The following AQR variants were observed in gnomAD, a reference collection of about 807,000 sequenced individuals.
AQR encodes the protein RNA helicase aquarius.
In AQR, 61 loss-of-function variants were observed where a neutral mutation model predicts 180.5. That is an observed-to-expected ratio of 0.34 (90% CI 0.28 to 0.42). The LOEUF is 0.42. Ranked by LOEUF, AQR falls within the 10% of genes least tolerant of loss-of-function variation. AQR has a pLI of 1.00. For synonymous variants in AQR, 551 were observed against 588.8 expected, an observed-to-expected ratio of 0.94 and a Z score of 0.93; for missense variants, 1,281 against 1,798.3, an observed-to-expected ratio of 0.71 and a Z score of 5.20.
At position 34,873,914 on chromosome 15, in the gene AQR, C is replaced by T; in HGVS notation, c.3511G>A (p.Ala1171Thr). The change falls in exon 30 of 35, where the codon GCT becomes ACT. Residue 1171 changes from alanine (A) to threonine (T), a missense_variant. Around this residue, in one of 9 missense-constraint regions of AQR, gnomAD observed 197 missense variants for 320.7 expected, o/e 0.61. Transcript: ENST00000156471. The part of the protein sequence containing the change: ...QLLPEFSTAN[A>T]GLLYDFQLIN... The stretch of plus-strand genomic sequence containing the variant: ...AGCTGGAAGTCATACAGTAAGCCAG[C>T]ATTTGCTGTACTAAACTCTGGCAAG... 2 of 1,612,292 alleles carry T rather than the reference C, an allele frequency of 1.2e-6. 1 individual carries two copies. The highest frequency in any genetic ancestry group is 3.3e-4 in the Middle Eastern group (2 of 6,054).
chr15:34,869,052 T>C (rs1035563886), intron 31 of AQR: 3 of 152,190 alleles, frequency 2.0e-5, no homozygotes, highest in Admixed American at 1.3e-4. Context: ...GCATACTTTA[T>C]AAGAAACTGT....
chr15:34,937,213 C>T (rs1370428911), intron 9 of AQR, among the ~76,000 whole-genome samples: 2 of 151,596 alleles, frequency 1.3e-5, no homozygotes, highest in Non-Finnish European at 2.9e-5. Flanking sequence ...AATTTTTTGT[C>T]TTTTTAGTAG....
In AQR at chr15:34,880,231, T is replaced by C. The variant is rs146390593; in HGVS notation, c.3165+2271A>G. Reference sequence around the variant, plus strand: ...TGTGAGAGTAGATTAAAAACAGTTTTTGGACATGGAAAGTCTTAAAAATAT... The same window carrying C: ...TGTGAGAGTAGATTAAAAACAGTTTCTGGACATGGAAAGTCTTAAAAATAT... On this transcript the variant is annotated intron_variant, in intron 27 of 34. Coordinates refer to ENST00000156471, the MANE Select transcript of AQR (RefSeq NM_014691.3). Among the ~76,000 whole-genome samples, 662 of 152,328 alleles carry C rather than the reference T, an allele frequency of 4.3e-3. 3 individuals carry two copies. The highest frequency in any genetic ancestry group is 0.011 in the Admixed American group (162 of 15,292).
intron 5 of AQR, 54 bp downstream of exon 5, chr15:34,948,210 G>C (rs1894158207): frequency 1.6e-5 from 25 of 1,577,182 alleles, no homozygotes; most frequent in Non-Finnish European, 2.2e-5. Flanking sequence ...CTGCCACTTT[G>C]TAATGGCTTA....
At chr15:34,953,417 T>C (rs531657693) in intron 3 of AQR, among the ~76,000 whole-genome samples, 29 of 152,302 alleles carry the variant, frequency 1.9e-4, no homozygotes, top group South Asian at 6.2e-4. Context: ...ATATTGGAAA[T>C]AGATCAGAAC....
chr15:34,891,777 T>C lies in AQR; in HGVS notation c.2572-1453A>G, dbSNP rs1893153542. On this transcript the variant is annotated intron_variant, in intron 23 of 34. Coordinates refer to ENST00000156471, the MANE Select transcript of AQR (RefSeq NM_014691.3). ...TTCTTTTCATAATTTGTTTCTTTTA[T>C]CAAGACAAAGTCCAAATTGATCCCC... Among the ~76,000 whole-genome samples, 3 of 152,166 alleles carry C rather than the reference T, an allele frequency of 2.0e-5. No individual in the cohort carries two copies. The South Asian group carries it at 6.2e-4, about 31-fold the overall frequency.
intron 5 of AQR, among the ~76,000 whole-genome samples, chr15:34,945,362 G>A (rs1364331230): frequency 6.6e-6 from 1 of 152,002 alleles, no homozygotes; most frequent in African/African-American, 2.4e-5. Context: ...ATATTCATTT[G>A]CCCAAGCCTG....
At chr15:34,948,226 G>A (rs757644467) in intron 5 of AQR, 38 bp downstream of exon 5, 22 of 1,607,764 alleles carry the variant, frequency 1.4e-5, no homozygotes, top group South Asian at 1.1e-5. Flanking sequence ...GCTTATGTGG[G>A]TCAGTATGAA....
chr15:34,910,060 G>C, intron 17 of AQR, 75 bp downstream of exon 17: 1 of 1,505,074 alleles, frequency 6.6e-7, no homozygotes, highest in Non-Finnish European at 9.2e-7. Flanking sequence ...TTTAGTAAAA[G>C]TACTTTGTTA....
Position 34,897,454 on chromosome 15 carries a change from T to C in AQR, c.2390+105A>G, listed in dbSNP as rs988688207. 4 of 1,336,332 alleles carry C rather than the reference T, an allele frequency of 3.0e-6. No individual in the cohort carries two copies. In the African/African-American group the frequency reaches 5.9e-5, roughly 20 times the overall value. The allele number at this position is 1,336,332 out of a possible 1,614,324, so 82.8% of individuals were successfully genotyped here. A position where few individuals can be genotyped will look rare whatever the true frequency, so the allele number is the denominator to read the frequency against. ...AAGAAAGAGGGTTCAGAAACAGGAG[T>C]TTTGTGGAGTTTTAAAAGAAACAGA... On this transcript the variant is annotated intron_variant, in intron 21 of 34. Coordinates refer to ENST00000156471, the MANE Select transcript of AQR (RefSeq NM_014691.3).
intron 32 of AQR, among the ~76,000 whole-genome samples, chr15:34,864,915 C>CACAA (rs1892720772): frequency 6.6e-6 from 1 of 152,064 alleles, no homozygotes; most frequent in African/African-American, 2.4e-5. Flanking sequence ...CCCTAAAGTC[C>CACAA]ACAAGGGCAG....
intron 10 of AQR, among the ~76,000 whole-genome samples, chr15:34,933,905 G>A (rs915421402): frequency 2.0e-5 from 3 of 152,172 alleles, no homozygotes; most frequent in Non-Finnish European, 2.9e-5. Context: ...AGGATTGCTT[G>A]AGCCCAGGAG....
intron 6 of AQR, among the ~76,000 whole-genome samples, chr15:34,943,742 A>G (rs1894066137): frequency 6.6e-6 from 1 of 152,222 alleles, no homozygotes; most frequent in Non-Finnish European, 1.5e-5. Context: ...AATATTACTG[A>G]AAATATTTAA....
chr15:34,906,929 A>C (rs1396664698), intron 17 of AQR, among the ~76,000 whole-genome samples: 2 of 152,160 alleles, frequency 1.3e-5, no homozygotes, highest in African/African-American at 4.8e-5. Context: ...ACTTCTTTAT[A>C]TTAAAATTAG....
chr15:34,902,595 G>A (rs187649055), intron 19 of AQR, among the ~76,000 whole-genome samples: 3 of 152,196 alleles, frequency 2.0e-5, no homozygotes, highest in Admixed American at 2.0e-4. Flanking sequence ...CTCTAAAGGT[G>A]TAAGTTGTGT....
intron 20 of AQR, 47 bp downstream of exon 20, chr15:34,900,575 A>G: frequency 6.3e-7 from 1 of 1,581,640 alleles, no homozygotes; most frequent in Non-Finnish European, 8.6e-7. Flanking sequence ...CATAACGTAC[A>G]TTGACTACAG....
At chr15:34,941,106 C>A (rs1894015622) in intron 7 of AQR, 107 bp from the exon 8 acceptor site, 3 of 647,306 alleles carry the variant, frequency 4.6e-6, no homozygotes, top group African/African-American at 3.8e-5. Context: ...CAAAATAGAG[C>A]AATCTGATAA....
chr15:34,869,031 G>A (rs566510625), intron 31 of AQR: 16 of 152,248 alleles, frequency 1.1e-4, no homozygotes, highest in Admixed American at 8.5e-4. Flanking sequence ...TTGCTGAGCT[G>A]TACAGTAAGT....
chr15:34,915,170 G>A lies in AQR; in HGVS notation c.1352C>T (p.Ala451Val). The A allele has an allele frequency of 6.3e-7, 1 of 1,581,682 alleles. No individual in the cohort carries two copies. Reference protein sequence around the residue: ...TEYYSGEGCLALPKLNLQFLT... With the variant: ...TEYYSGEGCLVLPKLNLQFLT... ...AAACTGCAAATTCAATTTGGGAAGA[G>A]CAAGACAACCTGAAAAGGAAAAAAA... is the stretch of plus-strand genomic sequence containing the variant. Residue 451 changes from alanine (A) to valine (V), a missense_variant, in exon 16 of 35, where the codon GCT becomes GTT. Ala to Val is a moderately conservative substitution (Grantham distance 64). This residue lies in a region of AQR where 200 missense variants were observed against 293.4 expected (regional missense o/e 0.68). Transcript: ENST00000156471.
Sources: allele counts gnomAD v4.1 joint callset (sites outside exome capture counted in the v4.1 genomes callset), GRCh38; gene constraint gnomAD v4.1.1; regional missense constraint gnomAD v4.1.1; transcripts MANE v1.5; gene names NCBI Gene and HGNC (gene_info 2026-07-23, HGNC 2026-07-21).